The following SHROOM2 variants were observed in gnomAD, a reference collection of about 807,000 sequenced individuals.
SHROOM2 encodes shroom family member 2.
In SHROOM2, 33 loss-of-function variants were observed where a neutral mutation model predicts 75.9. The ratio of observed to expected loss-of-function variants is 0.43; its 90% CI spans 0.33 to 0.58. The LOEUF (loss-of-function observed/expected upper bound fraction) is 0.58, where lower values mean the gene tolerates loss of function less well. SHROOM2 is among the 20% of genes least tolerant of loss of function. The probability of loss-of-function intolerance (pLI) is 0.04; values close to 1 mark genes in which losing one functional copy is unlikely to be tolerated. For missense variants in SHROOM2, 1,434 were observed against 1,461.2 expected, an observed-to-expected ratio of 0.98 and a Z score of 0.30; for synonymous variants, 655 against 663.6, an observed-to-expected ratio of 0.99 and a Z score of 0.20.
intron 1 of SHROOM2, among the ~76,000 whole-genome samples, chrX:9,824,887 C>T (rs1246427257): frequency 9.0e-6 from 1 of 111,508 alleles, no homozygotes; most frequent in African/African-American, 3.3e-5. Context: ...GAGGAATGTT[C>T]CCAGCCATCT....
intron 1 of SHROOM2, among the ~76,000 whole-genome samples, chrX:9,834,941 T>A (rs777346642): frequency 8.9e-6 from 1 of 112,718 alleles, no homozygotes; most frequent in African/African-American, 3.2e-5. Flanking sequence ...TCTGCCACTG[T>A]GCAGAAACAG....
chrX:9,914,363 A>T, intron 5 of SHROOM2, among the ~76,000 whole-genome samples: 1 of 109,493 alleles, frequency 9.1e-6, no homozygotes, highest in Middle Eastern at 4.7e-3. Context: ...TTGAGGAAGG[A>T]AGGGAATATT....
chrX:9,883,333 C>T, intron 2 of SHROOM2, among the ~76,000 whole-genome samples: 1 of 111,698 alleles, frequency 9.0e-6, no homozygotes. Flanking sequence ...ACTAGGTGCT[C>T]CAAAGCTGGA....
intron 2 of SHROOM2, among the ~76,000 whole-genome samples, chrX:9,882,092 C>T (rs1234919088): frequency 9.1e-6 from 1 of 109,598 alleles, no homozygotes; most frequent in Non-Finnish European, 1.9e-5. Flanking sequence ...AAATCTCTTT[C>T]CTTTCCCTTT....
intron 5 of SHROOM2, among the ~76,000 whole-genome samples, chrX:9,915,829 A>G (rs1169816883): frequency 3.6e-5 from 4 of 112,449 alleles, no homozygotes; most frequent in Non-Finnish European, 7.5e-5. Context: ...GTTAGAAGAT[A>G]GGCAGGCAAT....
chrX:9,846,207 A>G (rs1181340805), intron 1 of SHROOM2, among the ~76,000 whole-genome samples: 2 of 108,535 alleles, frequency 1.8e-5, no homozygotes, highest in Non-Finnish European at 3.8e-5. Context: ...GTAGCCTCAA[A>G]CTCCTGGGCT....
chrX:9,826,846 G>A (rs1374497589), intron 1 of SHROOM2, among the ~76,000 whole-genome samples: 2 of 112,576 alleles, frequency 1.8e-5, no homozygotes, highest in Non-Finnish European at 1.9e-5. Flanking sequence ...TTCAAAGAAC[G>A]AACAAGATTT....
Position 9,895,499 on chromosome X carries a change from G to A in SHROOM2, c.1591G>A (p.Glu531Lys), listed in dbSNP as rs1017654318. 6.6e-6 allele frequency: 8 copies of A among 1,205,436 alleles called. No homozygotes were observed. Among genetic ancestry groups the A allele is most frequent in the Non-Finnish European group, 9.0e-6 (8 of 892,935 alleles). The change falls in exon 4 of 10, where the codon GAG becomes AAG. Residue 531 changes from glutamate (E) to lysine (K), a missense_variant. This residue lies in a region of SHROOM2 where 1,340 missense variants were observed against 1,338.3 expected (regional missense o/e 1.00). Transcript: ENST00000380913. ...GCCTGAGGGTCCTCCGGATGCCCGC[G>A]AGACAGGACGGTGTTACCCGCTGGA... ...PQPEGPPDAR[E>K]TGRCYPLDKG...
At position 9,895,954 on chromosome X, in the gene SHROOM2, C is replaced by T. The variant is rs1419133477; in HGVS notation, c.2046C>T (p.Asp682=). 1.7e-6 allele frequency: 2 copies of T among 1,197,752 alleles called. No individual in the cohort carries two copies. The highest frequency in any genetic ancestry group is 2.3e-6 in the Non-Finnish European group (2 of 888,724). ...QEGPLAGTYK[D]HLKEAQARVL... ...GACCCCTCGCTGGCACCTATAAAGA[C>T]CACCTGAAAGAGGCCCAAGCCCGGG... Residue 682 remains aspartate, a synonymous_variant, in exon 4 of 10, where the codon GAC becomes GAT. Coordinates refer to ENST00000380913, the MANE Select transcript of SHROOM2 (RefSeq NM_001649.4).
intron 1 of SHROOM2, among the ~76,000 whole-genome samples, chrX:9,838,057 GTTTTTTTTTT>G (rs573554791): frequency 3.2e-4 from 24 of 75,793 alleles, no homozygotes; most frequent in Non-Finnish European, 4.7e-4. Context: ...TGTGTGTGTG[GTTTTTTTTTT>G]TTTTTTTTTT....
intron 5 of SHROOM2, among the ~76,000 whole-genome samples, chrX:9,914,075 G>GC (rs1350140839): frequency 5.4e-5 from 1 of 18,402 alleles, no homozygotes; most frequent in Non-Finnish European, 1.2e-4. Context: ...CTGCCCCCCC[G>GC]CCCCTCCCGC....
At position 9,832,240 on chromosome X, in the gene SHROOM2, T is replaced by C. The variant is rs184772218; in HGVS notation, c.166-41412T>C. On this transcript the variant is annotated intron_variant, in intron 1 of 9. Transcript: ENST00000380913. ...CCAGAGGCAGGGAGCTCCTTAGGCC[T>C]GCACAGTGGGGCTTGGCCAGGGATC... Among the ~76,000 whole-genome samples, 827 of 112,127 alleles carry C rather than the reference T, an allele frequency of 7.4e-3. 3 individuals are homozygous for C. The highest frequency in any genetic ancestry group is 0.026 in the African/African-American group (794 of 30,863).
At chrX:9,893,719 A>C (rs1359085508) in intron 3 of SHROOM2, among the ~76,000 whole-genome samples, 1 of 110,837 alleles carries the variant, frequency 9.0e-6, no homozygotes, top group Non-Finnish European at 1.9e-5. Flanking sequence ...TGGGAGGCCG[A>C]GGCAGGCAGA....
Position 9,932,235 on chromosome X carries a change from G to A in SHROOM2, c.2952G>A (p.Gln984=), listed in dbSNP as rs1371605388. 2.6e-6 allele frequency: 3 copies of A among 1,168,828 alleles called. No homozygotes were observed. The highest frequency in any genetic ancestry group is 3.0e-5 in the East Asian group (1 of 33,103). ...SPGSQQHPPS[Q]KAPNPPTFSE... ...GATCACAGCAGCACCCACCGAGTCA[G>A]AAGGCACCGAACCCACCCACATTCT... Residue 984 remains glutamine, a synonymous_variant, in exon 6 of 10, where the codon CAG becomes CAA. Coordinates refer to ENST00000380913, the MANE Select transcript of SHROOM2 (RefSeq NM_001649.4).
intron 1 of SHROOM2, among the ~76,000 whole-genome samples, chrX:9,837,903 C>A (rs1419639621): frequency 1.8e-5 from 2 of 111,025 alleles, no homozygotes; most frequent in African/African-American, 6.6e-5. Context: ...GTGGTAGCAC[C>A]TGCCCCCATG....
rs879014861 is a variant in SHROOM2, at chrX:9,895,782, G to A, written c.1874G>A (p.Arg625His). The A allele has an allele frequency of 7.5e-6, 9 of 1,202,279 alleles. No individual in the cohort carries two copies. The South Asian group carries it at 1.1e-4, about 14-fold the overall frequency. The change falls in exon 4 of 10, where the codon CGC (arginine) becomes CAC (histidine). Residue 625 changes from arginine to histidine, a missense_variant. Around this residue, in one of 3 missense-constraint regions of SHROOM2, gnomAD observed 1,340 missense variants for 1,338.3 expected, o/e 1.00. Coordinates refer to ENST00000380913, the MANE Select transcript of SHROOM2 (RefSeq NM_001649.4). ...GGCAAGCCCACCCGAAGAAGCGACC[G>A]CTTTGCCACCACCCTGCGGAATGAG... is the stretch of plus-strand genomic sequence containing the variant. ...HVGKPTRRSD[R>H]FATTLRNEIQ... is the part of the protein sequence containing the mutation.
chrX:9,868,740 T>C (rs2084155532), intron 1 of SHROOM2, among the ~76,000 whole-genome samples: 1 of 79,843 alleles, frequency 1.3e-5, no homozygotes, highest in African/African-American at 4.8e-5. Flanking sequence ...TTTTTTTTTT[T>C]TTTTTTTTTT....
At chrX:9,809,900 T>C (rs2083782928) in intron 1 of SHROOM2, among the ~76,000 whole-genome samples, 1 of 112,334 alleles carries the variant, frequency 8.9e-6, no homozygotes, top group South Asian at 3.7e-4. Flanking sequence ...GGTCTCGAAC[T>C]CCTGACCTCA....
At chrX:9,788,601 G>T (rs2083630286) in intron 1 of SHROOM2, among the ~76,000 whole-genome samples, 1 of 111,562 alleles carries the variant, frequency 9.0e-6, no homozygotes, top group African/African-American at 3.3e-5. Context: ...TGAGTCCTGG[G>T]AAAGGCCCTA....
Sources: allele counts gnomAD v4.1 joint callset (sites outside exome capture counted in the v4.1 genomes callset), GRCh38; gene constraint gnomAD v4.1.1; regional missense constraint gnomAD v4.1.1; transcripts MANE v1.5; gene names NCBI Gene and HGNC (gene_info 2026-07-23, HGNC 2026-07-21).